SMPDL3B: variants seen among roughly 807,000 people sequenced by gnomAD.
The protein encoded by SMPDL3B is acid sphingomyelinase-like phosphodiesterase 3b.
SMPDL3B carries 31 observed loss-of-function variants against 37.9 expected under a neutral mutation model. The observed-to-expected ratio is 0.82, with a 90% confidence interval of 0.61 to 1.10. The LOEUF is 1.10. Ranked by LOEUF, SMPDL3B falls within the 50% of genes least tolerant of loss-of-function variation. The probability of loss-of-function intolerance (pLI) is 0.00; values close to 1 mark genes in which losing one functional copy is unlikely to be tolerated. For missense variants in SMPDL3B, 525 were observed against 597.8 expected, an observed-to-expected ratio of 0.88 and a Z score of 1.27; for synonymous variants, 235 against 242.6, an observed-to-expected ratio of 0.97 and a Z score of 0.29.
intron 1 of SMPDL3B, among the ~76,000 whole-genome samples, chr1:27,941,766 G>A (rs2090361127): frequency 6.6e-6 from 1 of 152,190 alleles, no homozygotes; most frequent in Non-Finnish European, 1.5e-5. Flanking sequence ...CGAGGCCATG[G>A]CGTAGTCAGG....
chr1:27,957,296 T>G (rs1202973091), intron 7 of SMPDL3B, among the ~76,000 whole-genome samples: 1 of 151,986 alleles, frequency 6.6e-6, no homozygotes, highest in Non-Finnish European at 1.5e-5. Flanking sequence ...CCAGATGAAT[T>G]CTGGATGCAG....
In SMPDL3B at chr1:27,945,267, C is replaced by T; in HGVS notation, c.97C>T (p.Pro33Ser). The change falls in exon 2 of 8, where the codon CCT (proline) becomes TCT (serine). Residue 33 changes from proline to serine, a missense_variant. By Grantham distance (74) the Pro-to-Ser change is moderately conservative. Transcript: ENST00000373894. The surrounding 1 kb of genome is among the most constrained non-coding windows in gnomAD (Gnocchi z 4.0). ...GCACATCGCTGACCTGCACCTTGAC[C>T]CTGACTACAAGGTATCCAAAGACCC... ...FWHIADLHLD[P>S]DYKVSKDPFQ... The T allele has an allele frequency of 6.2e-7, 1 of 1,614,152 alleles. No individual in the cohort carries two copies. The highest frequency in any genetic ancestry group is 8.5e-7 in the Non-Finnish European group (1 of 1,180,034).
intron 3 of SMPDL3B, among the ~76,000 whole-genome samples, chr1:27,949,647 G>C (rs917358931): frequency 6.6e-6 from 1 of 152,202 alleles, no homozygotes; most frequent in African/African-American, 2.4e-5. Context: ...CAGGGACTGG[G>C]GGTGAGTGAG....
chr1:27,954,216 A>C, intron 4 of SMPDL3B, 138 bp from the exon 5 acceptor site: 1 of 851,326 alleles, frequency 1.2e-6, no homozygotes, highest in Non-Finnish European at 1.9e-6. Flanking sequence ...CTGATCTTCC[A>C]GATTGATGTC....
chr1:27,956,714 C>T (rs1484101081), intron 7 of SMPDL3B, among the ~76,000 whole-genome samples: 1 of 152,208 alleles, frequency 6.6e-6, no homozygotes, highest in Non-Finnish European at 1.5e-5. Context: ...AAAGTCACCC[C>T]TCTCCTGGAC....
rs1463742062 is a variant in SMPDL3B, at chr1:27,945,688, G to A, written c.275+243G>A. On this transcript the variant is annotated intron_variant, in intron 2 of 7. Transcript: ENST00000373894. This position sits in a 1 kb window ranked among gnomAD's most constrained non-coding sequence, Gnocchi z 4.0. ...GTGGCAGAACGCAGCTCTCAATCAG[G>A]CTTTTGGACGTGGTCCTGGCATGCC... is the stretch of plus-strand genomic sequence containing the variant. Among the ~76,000 whole-genome samples the A allele has an allele frequency of 2.0e-5, 3 of 152,180 alleles. No individual in the cohort carries two copies. The highest frequency in any genetic ancestry group is 6.5e-5 in the Admixed American group (1 of 15,280).
Position 27,945,267 on chromosome 1 carries a change from CCTGACTACAAGGTATCCA to C in SMPDL3B, c.98_115del (p.Pro33_Lys39delinsGln). 6.2e-7 allele frequency: 1 copy of C among 1,614,152 alleles called. No individual in the cohort carries two copies. The highest frequency in any genetic ancestry group is 1.3e-5 in the African/African-American group (1 of 75,016). The stretch of plus-strand genomic sequence containing the variant: ...GCACATCGCTGACCTGCACCTTGAC[CCTGACTACAAGGTATCCA>C]AAGACCCCTTCCAGGTGTGCCCATC... On this transcript the variant is annotated inframe_deletion, in exon 2 of 8. Coordinates refer to ENST00000373894, the MANE Select transcript of SMPDL3B (RefSeq NM_014474.4). The surrounding 1 kb of genome is among the most constrained non-coding windows in gnomAD (Gnocchi z 4.0).
intron 3 of SMPDL3B, among the ~76,000 whole-genome samples, chr1:27,952,005 T>TGATTGACTA (rs1194621981): frequency 5.3e-4 from 80 of 152,338 alleles, no homozygotes; most frequent in African/African-American, 1.9e-3. Flanking sequence ...AATCAACAAA[T>TGATTGACTA]AGTTATTGAG....
chr1:27,954,540 CTTCT>C lies in SMPDL3B; in HGVS notation c.690+21_690+24del. 6.2e-7 allele frequency: 1 copy of C among 1,611,796 alleles called. No homozygotes were observed. The highest frequency in any genetic ancestry group is 8.5e-7 in the Non-Finnish European group (1 of 1,178,572). On this transcript the variant is annotated intron_variant, in intron 5 of 7. Coordinates refer to ENST00000373894, the MANE Select transcript of SMPDL3B (RefSeq NM_014474.4). ...GCTGGGGACATGGTAAGAGGCCCTG[CTTCT>C]TTCTTTTCTCATCTGGGGTTATTTC...
rs939810124 is a variant in SMPDL3B at position 27,954,648 on chromosome 1, C to T, written c.690+122C>T. On this transcript the variant is annotated intron_variant, in intron 5 of 7. Transcript: ENST00000373894. Reference sequence around the variant, plus strand: ...TATCCCAGAGGGTCCTTTATCAGCCCGGCACCAGCAGAGGGCTTCCTCCAT... The same window carrying T: ...TATCCCAGAGGGTCCTTTATCAGCCTGGCACCAGCAGAGGGCTTCCTCCAT... The T allele has an allele frequency of 9.6e-5, 86 of 895,158 alleles. No homozygotes were observed. The Middle Eastern group carries it at 1.0e-3, about 11-fold the overall frequency. The allele number at this position is 895,158 out of a possible 1,614,324, so 55.5% of individuals were successfully genotyped here.
chr1:27,955,159 A>G (rs1223219423), intron 5 of SMPDL3B, among the ~76,000 whole-genome samples: 1 of 152,220 alleles, frequency 6.6e-6, no homozygotes, highest in African/African-American at 2.4e-5. Context: ...ACAGCAGCTC[A>G]GAGAGGTGAT....
chr1:27,942,413 C>A (rs1023347307), intron 1 of SMPDL3B: 2 of 460,292 alleles, frequency 4.3e-6, no homozygotes, highest in African/African-American at 4.0e-5. Context: ...TGCCCAGCAA[C>A]TCTGCCCACC....
At chr1:27,943,742 T>A (rs188963117) in intron 1 of SMPDL3B, among the ~76,000 whole-genome samples, 1 of 152,082 alleles carries the variant, frequency 6.6e-6, no homozygotes, top group Admixed American at 6.5e-5. Context: ...CTCACGCCTG[T>A]AATGCCAGCA....
In SMPDL3B at chr1:27,947,888, GT is replaced by G. The variant is rs140571308; in HGVS notation, c.276-1171del. Among the ~76,000 whole-genome samples, 570 of 152,080 alleles carry G rather than the reference GT, an allele frequency of 3.7e-3. 4 individuals are homozygous for G. The highest frequency in any genetic ancestry group is 0.013 in the African/African-American group (553 of 41,504). Reference sequence around the variant, plus strand: ...GAGTCACCGCCCCCGGCCTAGGTGTGTTTTTTATCAGACAGAATTAGATTCT... The same window carrying G: ...GAGTCACCGCCCCCGGCCTAGGTGTGTTTTTATCAGACAGAATTAGATTCT... On this transcript the variant is annotated intron_variant, in intron 2 of 7. Coordinates refer to ENST00000373894, the MANE Select transcript of SMPDL3B (RefSeq NM_014474.4).
intron 1 of SMPDL3B, among the ~76,000 whole-genome samples, chr1:27,943,084 C>T (rs112484885): frequency 1.5e-3 from 225 of 152,212 alleles, no homozygotes; most frequent in African/African-American, 5.0e-3. Flanking sequence ...ACAAAAAGAC[C>T]CATCTAAAAT....
chr1:27,944,410 A>C (rs910279492), intron 1 of SMPDL3B, among the ~76,000 whole-genome samples: 2 of 152,084 alleles, frequency 1.3e-5, no homozygotes, highest in African/African-American at 4.8e-5. Flanking sequence ...GCTGCAGTGC[A>C]GTGGCATGAT....
intron 3 of SMPDL3B, among the ~76,000 whole-genome samples, chr1:27,950,349 G>A (rs557365923): frequency 2.6e-5 from 4 of 152,282 alleles, no homozygotes; most frequent in South Asian, 2.1e-4. Context: ...CGAGCTAGTC[G>A]GTTCCGAGGG....
In SMPDL3B at chr1:27,935,164, T is replaced by C; in HGVS notation, c.-20T>C. ...ACAGTGCCTGAGAATCCCACGGCTC[T>C]GGGGAAGTGAGCCCCGAGGATGAGG... On this transcript the variant is annotated 5_prime_UTR_variant, in exon 1 of 8. Transcript: ENST00000373894. The C allele has an allele frequency of 6.2e-7, 1 of 1,608,702 alleles. No individual in the cohort carries two copies. Among genetic ancestry groups the C allele is most frequent in the Non-Finnish European group, 8.5e-7 (1 of 1,175,634 alleles).
chr1:27,938,908 T>C (rs2090330638), intron 1 of SMPDL3B: 1 of 152,242 alleles, frequency 6.6e-6, no homozygotes, highest in Non-Finnish European at 1.5e-5. Flanking sequence ...CATTTTTGAC[T>C]TATGATATTT....
Sources: allele counts gnomAD v4.1 joint callset (sites outside exome capture counted in the v4.1 genomes callset), GRCh38; gene constraint gnomAD v4.1.1; non-coding constraint Gnocchi (gnomAD v3.1); transcripts MANE v1.5; gene names NCBI Gene and HGNC (gene_info 2026-07-23, HGNC 2026-07-21).